The following PIP4K2A variants were observed in gnomAD, a reference collection of about 807,000 sequenced individuals.
PIP4K2A encodes phosphatidylinositol-5-phosphate 4-kinase type 2 alpha.
Under a neutral mutation model 42.9 loss-of-function variants are expected in PIP4K2A, and 14 were observed. The observed-to-expected ratio is 0.33, with a 90% CI of 0.22 to 0.51. The LOEUF (loss-of-function observed/expected upper bound fraction) is 0.51, where lower values mean the gene tolerates loss of function less well. Among genes scored for constraint, PIP4K2A ranks in the 20% least tolerant of loss-of-function variants. The pLI is 0.97. For synonymous variants in PIP4K2A, 192 were observed against 192.2 expected, an observed-to-expected ratio of 1.00 and a Z score of 0.01; for missense variants, 434 against 519.8, an observed-to-expected ratio of 0.83 and a Z score of 1.61.
intron 3 of PIP4K2A, among the ~76,000 whole-genome samples, chr10:22,592,308 T>C (rs1041642732): frequency 3.3e-5 from 5 of 152,310 alleles, no homozygotes; most frequent in East Asian, 1.9e-4. Context: ...AAAGGGCATA[T>C]AGCTAATAAG....
At chr10:22,705,426 TAAAAAAAAAAAAAAAAAAAAA>T (rs150254345) in intron 1 of PIP4K2A, among the ~76,000 whole-genome samples, 17 of 29,276 alleles carry the variant, frequency 5.8e-4, no homozygotes, top group African/African-American at 7.6e-4. Context: ...GTACCCCAGT[TAAAAAAAAAAAAAAAAAAAAA>T]AAAAAAAAAA....
chr10:22,542,648 TCTC>T (rs944104842), intron 7 of PIP4K2A, among the ~76,000 whole-genome samples: 8 of 152,150 alleles, frequency 5.3e-5, no homozygotes, highest in East Asian at 1.9e-4. Flanking sequence ...CTGTCCTCCC[TCTC>T]CTCCTCCAGC....
chr10:22,633,926 A>C (rs1194947343), intron 1 of PIP4K2A, among the ~76,000 whole-genome samples: 2 of 152,162 alleles, frequency 1.3e-5, no homozygotes, highest in African/African-American at 4.8e-5. Flanking sequence ...GTGAGGAAAA[A>C]CGGAGTCCAC....
intron 6 of PIP4K2A, among the ~76,000 whole-genome samples, chr10:22,562,918 C>T (rs1476128035): frequency 1.3e-5 from 2 of 152,096 alleles, no homozygotes; most frequent in East Asian, 1.9e-4. Context: ...GGTGATGTAT[C>T]CCCAGGGAAA....
intron 1 of PIP4K2A, among the ~76,000 whole-genome samples, chr10:22,703,811 T>C (rs1833759937): frequency 1.3e-5 from 2 of 152,076 alleles, no homozygotes; most frequent in African/African-American, 4.8e-5. Flanking sequence ...AAGATTCAAA[T>C]AGAAAGCATG....
rs7084619 is a variant in PIP4K2A at position 22,551,296 on chromosome 10, G to A, written c.679-524C>T. 9.7e-3 allele frequency among the ~76,000 whole-genome samples: 1,476 copies of A among 152,254 alleles called. 30 individuals are homozygous for A. The highest frequency in any genetic ancestry group is 0.034 in the African/African-American group (1,421 of 41,540). The stretch of plus-strand genomic sequence containing the variant: ...TCTGCACCAGGGAGACATGCAGCAC[G>A]AGGTTAGCCATCTGCCCTTCCAAGC... On this transcript the variant is annotated intron_variant, in intron 6 of 9. Transcript: ENST00000376573.
chr10:22,551,560 T>G (rs1836410856), intron 6 of PIP4K2A, among the ~76,000 whole-genome samples: 1 of 152,166 alleles, frequency 6.6e-6, no homozygotes, highest in Non-Finnish European at 1.5e-5. Context: ...AACAGGATAA[T>G]ATAGGCATAT....
chr10:22,656,797 C>CA lies in PIP4K2A; in HGVS notation c.145-47081dup, dbSNP rs768722985. Among the ~76,000 whole-genome samples, 572 of 76,560 alleles carry CA rather than the reference C, an allele frequency of 7.5e-3. 4 individuals are homozygous for CA. The highest frequency in any genetic ancestry group is 0.017 in the African/African-American group (339 of 20,202). The allele number at this position is 76,560 out of a possible 152,430, so 50.2% of individuals were successfully genotyped here. A position where few individuals can be genotyped will look rare whatever the true frequency, so the allele number is the denominator to read the frequency against. On this transcript the variant is annotated intron_variant, in intron 1 of 9. Transcript: ENST00000376573. ...GGGTGAGAAGAGCCAGACTCCATCTCAAAAAAAAAAAAAAAGCAAAGAAAA... is the reference window on the plus strand; with the variant it reads ...GGGTGAGAAGAGCCAGACTCCATCTCAAAAAAAAAAAAAAAAGCAAAGAAAA...
chr10:22,542,175 TC>T, intron 7 of PIP4K2A, 128 bp from the exon 8 acceptor site: 1 of 704,088 alleles, frequency 1.4e-6, no homozygotes, highest in Non-Finnish European at 2.4e-6. Flanking sequence ...GCCGGGTGCC[TC>T]CTTCACGATG....
chr10:22,554,808 G>A (rs1201660410), intron 6 of PIP4K2A, among the ~76,000 whole-genome samples: 6 of 152,200 alleles, frequency 3.9e-5, no homozygotes, highest in East Asian at 3.9e-4. Flanking sequence ...TCCCCACCCC[G>A]TCCTCCTCTG....
At chr10:22,667,595 C>A (rs1839372842) in intron 1 of PIP4K2A, among the ~76,000 whole-genome samples, 1 of 152,122 alleles carries the variant, frequency 6.6e-6, no homozygotes, top group African/African-American at 2.4e-5. Flanking sequence ...ATGTCACATT[C>A]CATGAGATAC....
At chr10:22,664,158 T>TATATATATATAC (rs1839290197) in intron 1 of PIP4K2A, among the ~76,000 whole-genome samples, 1 of 68,056 alleles carries the variant, frequency 1.5e-5, no homozygotes, top group African/African-American at 1.1e-4. Flanking sequence ...TATACACATA[T>TATATATATATAC]ATATATATAC....
chr10:22,569,165 T>A, intron 5 of PIP4K2A: 1 of 788,246 alleles, frequency 1.3e-6, no homozygotes, highest in Non-Finnish European at 2.1e-6. Context: ...CGGAAGAGAC[T>A]CCTCACATTG....
At chr10:22,696,036 G>A (rs1179091860) in intron 1 of PIP4K2A, among the ~76,000 whole-genome samples, 2 of 152,106 alleles carry the variant, frequency 1.3e-5, no homozygotes, top group Admixed American at 6.5e-5. Flanking sequence ...ATAAAAAGGT[G>A]TAAGTAGAAA....
chr10:22,575,740 T>C (rs887725543), intron 4 of PIP4K2A, among the ~76,000 whole-genome samples: 3 of 151,838 alleles, frequency 2.0e-5, no homozygotes, highest in Non-Finnish European at 2.9e-5. Flanking sequence ...GAGTCCAAGA[T>C]CAGCCTGGCC....
chr10:22,541,654 A>G, intron 8 of PIP4K2A, 150 bp downstream of exon 8: 1 of 878,544 alleles, frequency 1.1e-6, no homozygotes, highest in Non-Finnish European at 1.7e-6. Flanking sequence ...GCTTTAACAT[A>G]CTCTTGTCCC....
intron 1 of PIP4K2A, among the ~76,000 whole-genome samples, chr10:22,614,290 G>T (rs999437278): frequency 1.3e-5 from 2 of 152,218 alleles, no homozygotes; most frequent in African/African-American, 4.8e-5. Context: ...ATAAGATGCT[G>T]AAATTAAAAG....
chr10:22,694,072 C>G (rs561216564), intron 1 of PIP4K2A: 1 of 152,262 alleles, frequency 6.6e-6, no homozygotes, highest in African/African-American at 2.4e-5. Flanking sequence ...ACAGGGCTGA[C>G]TGCAAGGCCT....
At chr10:22,584,528 C>T (rs572095868) in intron 4 of PIP4K2A, among the ~76,000 whole-genome samples, 2 of 152,104 alleles carry the variant, frequency 1.3e-5, no homozygotes, top group Admixed American at 6.5e-5. Flanking sequence ...AAAAGGACTG[C>T]GGAACTTCCA....
Sources: gnomAD v4.1 joint callset for allele counts (sites outside exome capture counted in the v4.1 genomes callset) on GRCh38, gnomAD v4.1.1 for gene constraint, MANE v1.5 for transcripts, NCBI Gene and HGNC (gene_info 2026-07-23, HGNC 2026-07-21) for gene names.